The following DNAJB4 variants were observed in gnomAD, a reference collection of about 807,000 sequenced individuals.
The protein encoded by DNAJB4 is DnaJ heat shock protein family (Hsp40) member B4.
In DNAJB4, 10 loss-of-function variants were observed where a neutral mutation model predicts 26.6. That is an observed-to-expected ratio of 0.38 (90% CI 0.23 to 0.64). The LOEUF (loss-of-function observed/expected upper bound fraction) is 0.64, where lower values mean the gene tolerates loss of function less well. Ranked by LOEUF, DNAJB4 falls within the 30% of genes least tolerant of loss-of-function variation. The pLI is 0.58. For missense variants in DNAJB4, 328 were observed against 408.2 expected, an observed-to-expected ratio of 0.80 and a Z score of 1.69; for synonymous variants, 136 against 134.8, an observed-to-expected ratio of 1.01 and a Z score of -0.06.
At chr1:77,997,398 C>A (rs1660088841) in intron 1 of DNAJB4, among the ~76,000 whole-genome samples, 1 of 151,340 alleles carries the variant, frequency 6.6e-6, no homozygotes, top group East Asian at 1.9e-4. Flanking sequence ...GTGGTGTGAG[C>A]CTGTAATACC....
At chr1:78,012,366 G>A (rs1660510078) in intron 1 of DNAJB4, among the ~76,000 whole-genome samples, 1 of 151,220 alleles carries the variant, frequency 6.6e-6, no homozygotes, top group African/African-American at 2.4e-5. Context: ...GTTTCACTGT[G>A]TTGGCCAGGC....
At chr1:77,991,625 G>C (rs771252985) in intron 1 of DNAJB4, among the ~76,000 whole-genome samples, 4 of 152,188 alleles carry the variant, frequency 2.6e-5, no homozygotes, top group Non-Finnish European at 5.9e-5. Flanking sequence ...GGTTGAACAA[G>C]TCAGTGGTCT....
In DNAJB4 at chr1:78,005,357, C is replaced by T. The variant is rs555762865; in HGVS notation, c.211+36C>T. The T allele has an allele frequency of 2.1e-6, 3 of 1,426,046 alleles. No homozygotes were observed. In the Admixed American group the frequency reaches 8.3e-5, roughly 40 times the overall value. 88.3% of individuals were successfully genotyped at this position (1,426,046 alleles called of 1,614,324 possible). A position where few individuals can be genotyped will look rare whatever the true frequency, so the allele number is the denominator to read the frequency against. ...TCTGTATATCTTTCTGTCTCTTCAG[C>T]TCTGTCTCTTTTTTTTTTTTCTCTC... On this transcript the variant is annotated intron_variant, in intron 1 of 2. Coordinates refer to ENST00000370763, the MANE Select transcript of DNAJB4 (RefSeq NM_007034.5).
intron 1 of DNAJB4, among the ~76,000 whole-genome samples, chr1:78,012,376 C>T (rs988002132): frequency 2.6e-5 from 4 of 151,310 alleles, no homozygotes; most frequent in African/African-American, 9.7e-5. Context: ...GTTGGCCAGG[C>T]TGGTCTCAAA....
chr1:78,013,663 A>G (rs200647412), intron 2 of DNAJB4, 44 bp downstream of exon 2: 90 of 1,401,104 alleles, frequency 6.4e-5, no homozygotes, highest in Admixed American at 8.7e-5. Context: ...ATAATTATGT[A>G]GTTGATCATA....
At chr1:78,009,854 G>A (rs1482377379) in intron 1 of DNAJB4, among the ~76,000 whole-genome samples, 2 of 152,162 alleles carry the variant, frequency 1.3e-5, no homozygotes, top group Non-Finnish European at 2.9e-5. Flanking sequence ...TCGAACTCCA[G>A]ACCTCATGCT....
chr1:77,998,770 C>T (rs1049403448), intron 1 of DNAJB4, among the ~76,000 whole-genome samples: 2 of 151,778 alleles, frequency 1.3e-5, no homozygotes, highest in African/African-American at 2.4e-5. Flanking sequence ...CTCAGGAGGT[C>T]GAGGCTGCAG....
upstream of DNAJB4, among the ~76,000 whole-genome samples, chr1:78,003,830 A>G (rs900652397): frequency 9.9e-5 from 15 of 152,202 alleles, no homozygotes; most frequent in Admixed American, 1.3e-4. Flanking sequence ...AAATTATAAA[A>G]CTACAGCAAA....
rs1260217889 is a variant in DNAJB4, at chr1:78,013,085, A to G, written c.246A>G (p.Gln82=). The G allele has an allele frequency of 6.2e-7, 1 of 1,613,180 alleles. No homozygotes were observed. The highest frequency in any genetic ancestry group is 1.7e-5 in the Admixed American group (1 of 59,956). ...LKGGAGGTDG[Q]GGTFRYTFHG... is the part of the protein sequence containing the mutation. ...GAGGAGCAGGAGGTACTGATGGACAAGGAGGTACCTTCCGGTACACCTTTC... is the reference window on the plus strand; with the variant it reads ...GAGGAGCAGGAGGTACTGATGGACAGGGAGGTACCTTCCGGTACACCTTTC... Residue 82 remains glutamine (Q), a synonymous_variant, in exon 2 of 3, where the codon CAA becomes CAG. Coordinates refer to ENST00000370763, the MANE Select transcript of DNAJB4 (RefSeq NM_007034.5).
At chr1:78,000,745 A>C (rs1038492359), upstream of DNAJB4, among the ~76,000 whole-genome samples, 1 of 152,080 alleles carries the variant, frequency 6.6e-6, no homozygotes, top group African/African-American at 2.4e-5. Context: ...GCACTTTGGG[A>C]GGCCAAGGCG....
chr1:77,991,220 C>G (rs946102260), intron 1 of DNAJB4, among the ~76,000 whole-genome samples: 3 of 152,056 alleles, frequency 2.0e-5, no homozygotes, highest in Non-Finnish European at 4.4e-5. Flanking sequence ...AACTTTGGTG[C>G]CTGTGTACTC....
intron 1 of DNAJB4, among the ~76,000 whole-genome samples, chr1:78,011,875 T>C (rs527438647): frequency 1.0e-4 from 15 of 150,610 alleles, no homozygotes; most frequent in Non-Finnish European, 2.1e-4. Flanking sequence ...TTTACATATT[T>C]CTATTTTATT....
intron 2 of DNAJB4, among the ~76,000 whole-genome samples, chr1:78,014,555 T>C (rs1571451050): frequency 6.6e-6 from 1 of 152,314 alleles, no homozygotes; most frequent in East Asian, 1.9e-4. Context: ...ATCTGATGTC[T>C]ACCCATAAAA....
In DNAJB4 at chr1:77,991,291, C is replaced by T. The variant is rs571734734; in HGVS notation, c.-32+10969C>T. 2.6e-5 allele frequency among the ~76,000 whole-genome samples: 4 copies of T among 152,238 alleles called. No individual in the cohort carries two copies. In the South Asian group the frequency reaches 8.3e-4, roughly 32 times the overall value. ...CTGATTATGGTTAATGCAGAAGATT[C>T]TCAGTAATGATATTATTATACAGTT... On this transcript the variant is annotated intron_variant, in intron 1 of 2. Coordinates refer to the DNAJB4 transcript ENST00000426517.
chr1:78,016,904 T>C lies in DNAJB4; in HGVS notation c.*657T>C, dbSNP rs910260378. Reference sequence around the variant, plus strand: ...ATCCCAATTGCTTGAATTACTGATATTTTAGAATAGACTTTTTAAAATGCC... The same window carrying C: ...ATCCCAATTGCTTGAATTACTGATACTTTAGAATAGACTTTTTAAAATGCC... On this transcript the variant is annotated 3_prime_UTR_variant, in exon 3 of 3. Transcript: ENST00000370763. The C allele has an allele frequency of 1.3e-5, 2 of 152,162 alleles. No homozygotes were observed. The highest frequency in any genetic ancestry group is 2.4e-5 in the African/African-American group (1 of 41,454). The allele number at this position is 152,162 out of a possible 1,614,324, so 9.4% of individuals were successfully genotyped here. A position where few individuals can be genotyped will look rare whatever the true frequency, so the allele number is the denominator to read the frequency against.
upstream of DNAJB4, chr1:77,979,183 G>A: frequency 4.8e-6 from 3 of 631,340 alleles, no homozygotes; most frequent in South Asian, 2.0e-5. Flanking sequence ...ACGCGCTGGT[G>A]TGGGTTAGGG....
At chr1:77,983,288 A>G (rs954891934) in intron 1 of DNAJB4, among the ~76,000 whole-genome samples, 4 of 152,220 alleles carry the variant, frequency 2.6e-5, no homozygotes, top group African/African-American at 9.6e-5. Flanking sequence ...AGTAGATGGA[A>G]CATACAATCG....
chr1:77,983,540 T>C (rs1659720596), intron 1 of DNAJB4, among the ~76,000 whole-genome samples: 1 of 152,216 alleles, frequency 6.6e-6, no homozygotes, highest in African/African-American at 2.4e-5. Context: ...CCCTGCGGCC[T>C]TCCACAGTTT....
intron 1 of DNAJB4, among the ~76,000 whole-genome samples, chr1:78,011,798 A>G (rs971221320): frequency 9.2e-5 from 14 of 151,686 alleles, no homozygotes; most frequent in Non-Finnish European, 1.9e-4. Context: ...TTTAATTCCT[A>G]AACAGTAAAA....
Sources: allele counts gnomAD v4.1 joint callset (sites outside exome capture counted in the v4.1 genomes callset), GRCh38; gene constraint gnomAD v4.1.1; transcripts MANE v1.5; gene names NCBI Gene and HGNC (gene_info 2026-07-23, HGNC 2026-07-21).